Variants in SERGEF observed in about 807,000 individuals in gnomAD.
SERGEF encodes the protein secretion regulating guanine nucleotide exchange factor.
A neutral mutation model predicts 50.0 loss-of-function variants in SERGEF; 51 were observed. The observed-to-expected ratio is 1.02, with a 90% confidence interval of 0.81 to 1.29. The LOEUF is 1.29. Ranked by LOEUF, SERGEF falls within the 50% of genes most tolerant of loss-of-function variation. The pLI is 0.00. For missense variants in SERGEF, 521 were observed against 557.0 expected (o/e 0.94, Z 0.65); for synonymous variants, 205 against 212.4 (o/e 0.97, Z 0.30).
intron 9 of SERGEF, among the ~76,000 whole-genome samples, chr11:17,934,228 A>G (rs970497752): frequency 1.9e-4 from 29 of 152,188 alleles, no homozygotes; most frequent in African/African-American, 6.8e-4. Flanking sequence ...TTTAACTGCT[A>G]TATTAATAAA....
At chr11:17,906,195 A>T (rs1234485555) in intron 9 of SERGEF, among the ~76,000 whole-genome samples, 1 of 152,106 alleles carries the variant, frequency 6.6e-6, no homozygotes, top group Non-Finnish European at 1.5e-5. Flanking sequence ...GTGGGCTGAT[A>T]AGGAAGGGAA....
intron 1 of SERGEF, chr11:18,012,713 C>A (rs914939690): frequency 2.4e-6 from 3 of 1,231,866 alleles, no homozygotes; most frequent in South Asian, 1.6e-5. Flanking sequence ...GGCGCCACAG[C>A]CCCTCCGGCC....
At position 17,860,278 on chromosome 11, in the gene SERGEF, A is replaced by T. The variant is rs1337597462; in HGVS notation, c.1048+17930T>A. Among the ~76,000 whole-genome samples, 11 of 152,308 alleles carry T rather than the reference A, an allele frequency of 7.2e-5. No homozygotes were observed. The East Asian group carries it at 1.7e-3, about 24-fold the overall frequency. On this transcript the variant is annotated intron_variant, in intron 10 of 10. Transcript: ENST00000265965. ...GGCAAGTTTAACTCCAGGAAAAGAA[A>T]AGTATAGCATAGGAACCATATCATG... is the stretch of plus-strand genomic sequence containing the variant.
At chr11:17,937,628 TC>T (rs1852480351) in intron 9 of SERGEF, among the ~76,000 whole-genome samples, 2 of 152,178 alleles carry the variant, frequency 1.3e-5, no homozygotes, top group Admixed American at 1.3e-4. Context: ...ATTTTGGTGT[TC>T]CACAATTCTA....
chr11:17,942,739 T>C (rs913205975), intron 9 of SERGEF, among the ~76,000 whole-genome samples: 4 of 152,194 alleles, frequency 2.6e-5, no homozygotes, highest in Admixed American at 2.6e-4. Context: ...ATGTTAGTGC[T>C]TTATAAGTGC....
chr11:17,961,715 C>A (rs211149), intron 8 of SERGEF, among the ~76,000 whole-genome samples: 1 of 151,340 alleles, frequency 6.6e-6, no homozygotes, highest in African/African-American at 2.4e-5. Context: ...ATACTCTCTG[C>A]GGAGGCCATA....
At chr11:17,791,918 T>A (rs1849489932) in intron 10 of SERGEF, among the ~76,000 whole-genome samples, 1 of 152,258 alleles carries the variant, frequency 6.6e-6, no homozygotes, top group Non-Finnish European at 1.5e-5. Context: ...TATTAGTTCT[T>A]TCTCTGCTAT....
intron 9 of SERGEF, among the ~76,000 whole-genome samples, chr11:17,911,099 C>A (rs1851943815): frequency 6.6e-6 from 1 of 152,052 alleles, no homozygotes; most frequent in Admixed American, 6.5e-5. Flanking sequence ...GGAACATCAA[C>A]AAATACTTTT....
rs1227968939 is a variant in SERGEF, at chr11:17,998,348, T to G, written c.508+2149A>C. Among the ~76,000 whole-genome samples, 5 of 150,014 alleles carry G rather than the reference T, an allele frequency of 3.3e-5. No homozygotes were observed. In the East Asian group the frequency reaches 9.8e-4, roughly 29 times the overall value. ...TAGAGGATCGCTTGAGCCCAGAAGT[T>G]TGAGGTCGCAGTGAACCATGAACAC... On this transcript the variant is annotated intron_variant, in intron 5 of 10. Transcript: ENST00000265965.
chr11:17,956,719 C>T (rs1852880594), intron 9 of SERGEF, among the ~76,000 whole-genome samples: 2 of 152,040 alleles, frequency 1.3e-5, no homozygotes, highest in African/African-American at 4.8e-5. Context: ...ATCCCTTGGA[C>T]ATTAAAGGCA....
intron 9 of SERGEF, among the ~76,000 whole-genome samples, chr11:17,933,264 G>T (rs1852388474): frequency 6.6e-6 from 1 of 152,094 alleles, no homozygotes; most frequent in South Asian, 2.1e-4. Context: ...TTAAATGGAG[G>T]TTTATACAAC....
chr11:17,916,191 G>A (rs927635507), intron 9 of SERGEF, among the ~76,000 whole-genome samples: 1 of 152,112 alleles, frequency 6.6e-6, no homozygotes, highest in African/African-American at 2.4e-5. Context: ...GGCTTCCCTG[G>A]CTTTGTAGTA....
intron 9 of SERGEF, among the ~76,000 whole-genome samples, chr11:17,903,040 C>A (rs921598261): frequency 2.0e-5 from 3 of 152,190 alleles, no homozygotes; most frequent in Non-Finnish European, 4.4e-5. Context: ...GCCATTAGGA[C>A]TCATAATTTA....
chr11:18,009,085 C>A (rs1854143285), intron 1 of SERGEF, among the ~76,000 whole-genome samples: 1 of 152,060 alleles, frequency 6.6e-6, no homozygotes, highest in African/African-American at 2.4e-5. Flanking sequence ...CAAATCCCTT[C>A]CCCAAAATCT....
chr11:17,868,327 G>A (rs912976526), intron 10 of SERGEF, among the ~76,000 whole-genome samples: 1 of 152,282 alleles, frequency 6.6e-6, no homozygotes, highest in African/African-American at 2.4e-5. Context: ...CTCTAGGGCA[G>A]AGGCAAAATG....
chr11:17,869,944 C>CTCA (rs1851105895), intron 10 of SERGEF, among the ~76,000 whole-genome samples: 1 of 152,178 alleles, frequency 6.6e-6, no homozygotes. Flanking sequence ...CACCCAAAAT[C>CTCA]TCATCTTGAA....
intron 10 of SERGEF, among the ~76,000 whole-genome samples, chr11:17,850,344 C>T (rs1850689109): frequency 6.6e-6 from 1 of 152,144 alleles, no homozygotes; most frequent in Non-Finnish European, 1.5e-5. Context: ...TCCTAGCCTC[C>T]TCAGTAACAA....
At chr11:17,957,648 A>G (rs79640498) in intron 9 of SERGEF, among the ~76,000 whole-genome samples, 4 of 152,140 alleles carry the variant, frequency 2.6e-5, no homozygotes, top group Admixed American at 2.0e-4. Flanking sequence ...ATCAAAAGTC[A>G]TAAAGATGCT....
chr11:17,965,576 T>C (rs769798008), intron 8 of SERGEF, among the ~76,000 whole-genome samples: 1 of 152,178 alleles, frequency 6.6e-6, no homozygotes, highest in Non-Finnish European at 1.5e-5. Flanking sequence ...TGGGAGCATT[T>C]ACCTCAGTTT....
Sources: gnomAD v4.1 joint callset for allele counts (sites outside exome capture counted in the v4.1 genomes callset) on GRCh38, gnomAD v4.1.1 for gene constraint, MANE v1.5 for transcripts, NCBI Gene and HGNC (gene_info 2026-07-23, HGNC 2026-07-21) for gene names.